CEP162: variants seen among roughly 807,000 people sequenced by gnomAD.
CEP162 encodes the protein centrosomal protein 162, also known as centrosomal protein of 162 kDa.
In CEP162, 141 loss-of-function variants were observed where a neutral mutation model predicts 169.2. The observed-to-expected ratio is 0.83, with a 90% CI of 0.73 to 0.96. The LOEUF (loss-of-function observed/expected upper bound fraction) is 0.96. Ranked by LOEUF, CEP162 falls within the 40% of genes least tolerant of loss-of-function variation. The pLI, the probability that CEP162 is intolerant of heterozygous loss-of-function variation, is 0.00. For synonymous variants in CEP162, 540 were observed against 526.4 expected (o/e 1.03, Z -0.35); for missense variants, 1,600 against 1,587.2 (o/e 1.01, Z -0.14).
intron 13 of CEP162, among the ~76,000 whole-genome samples, chr6:84,179,771 C>T (rs1721337447): frequency 6.6e-6 from 1 of 152,064 alleles, no homozygotes; most frequent in Non-Finnish European, 1.5e-5. Flanking sequence ...TGGACACATA[C>T]ACCATCCCAA....
At chr6:84,184,114 C>G (rs1190311913) in intron 13 of CEP162, among the ~76,000 whole-genome samples, 3 of 152,084 alleles carry the variant, frequency 2.0e-5, no homozygotes, top group Non-Finnish European at 2.9e-5. Flanking sequence ...GCACATGATC[C>G]CTTCTTCCAC....
chr6:84,161,351 C>A (rs542362554), intron 20 of CEP162, among the ~76,000 whole-genome samples: 1 of 152,120 alleles, frequency 6.6e-6, no homozygotes, highest in Admixed American at 6.6e-5. Flanking sequence ...ATATTTGAGC[C>A]AAGAGGAACA....
chr6:84,175,921 A>G (rs1362752234), intron 13 of CEP162, among the ~76,000 whole-genome samples: 6 of 152,114 alleles, frequency 3.9e-5, no homozygotes, highest in Admixed American at 3.9e-4. Flanking sequence ...TATATATTAA[A>G]TTATAAAAAA....
chr6:84,209,448 C>T (rs914007030), intron 6 of CEP162, among the ~76,000 whole-genome samples: 2 of 151,270 alleles, frequency 1.3e-5, no homozygotes, highest in South Asian at 4.2e-4. Context: ...GATCTCGGCT[C>T]ACTGCAACCT....
chr6:84,146,847 A>G (rs1298641852), intron 24 of CEP162, 62 bp from the exon 25 acceptor site: 5 of 848,640 alleles, frequency 5.9e-6, no homozygotes, highest in Non-Finnish European at 7.3e-6. Context: ...TCTGAAAAAT[A>G]TAAGAAAGCC....
intron 13 of CEP162, among the ~76,000 whole-genome samples, chr6:84,176,985 C>T (rs2099532687): frequency 6.6e-6 from 1 of 151,368 alleles, no homozygotes; most frequent in Admixed American, 6.6e-5. Context: ...CACAATATAT[C>T]CAACATATTA....
At chr6:84,175,022 T>A in intron 14 of CEP162, 68 bp from the exon 15 acceptor site, 2 of 1,099,188 alleles carry the variant, frequency 1.8e-6, no homozygotes, top group Admixed American at 2.9e-5. Context: ...GGTGGTTAAT[T>A]AAAAAAAGAA....
chr6:84,173,060 A>C (rs2099530836), intron 16 of CEP162, among the ~76,000 whole-genome samples: 1 of 152,204 alleles, frequency 6.6e-6, no homozygotes, highest in Admixed American at 6.5e-5. Flanking sequence ...GGGCATTAGC[A>C]ATTAATTTCA....
chr6:84,129,224 G>A (rs917327883), intron 25 of CEP162, among the ~76,000 whole-genome samples: 2 of 152,128 alleles, frequency 1.3e-5, no homozygotes, highest in African/African-American at 2.4e-5. Flanking sequence ...GGATGGCTGG[G>A]TCAAATGGTA....
At chr6:84,138,344 G>A (rs938449756) in intron 25 of CEP162, among the ~76,000 whole-genome samples, 9 of 152,176 alleles carry the variant, frequency 5.9e-5, no homozygotes, top group East Asian at 1.9e-4. Context: ...CCAGTTTATT[G>A]CCTGGAGGCA....
chr6:84,205,617 T>G (rs1372974723), intron 6 of CEP162, among the ~76,000 whole-genome samples: 1 of 152,184 alleles, frequency 6.6e-6, no homozygotes, highest in Non-Finnish European at 1.5e-5. Context: ...AATATCATAC[T>G]GAATGGGCAA....
chr6:84,209,388 T>C (rs936780356), intron 6 of CEP162, among the ~76,000 whole-genome samples: 18 of 149,664 alleles, frequency 1.2e-4, no homozygotes, highest in Non-Finnish European at 2.1e-4. Flanking sequence ...TTTTTTTTTT[T>C]CTTGAGACGG....
At chr6:84,155,566 A>G in intron 21 of CEP162, 56 bp from the exon 22 acceptor site, 5 of 1,200,462 alleles carry the variant, frequency 4.2e-6, no homozygotes, top group Non-Finnish European at 6.0e-6. Context: ...TGAATTCAGT[A>G]AAGTTTCAGG....
At chr6:84,164,029 A>C (rs977970359) in intron 18 of CEP162, among the ~76,000 whole-genome samples, 2 of 152,026 alleles carry the variant, frequency 1.3e-5, no homozygotes, top group Admixed American at 1.3e-4. Flanking sequence ...AACCATCAAA[A>C]AGTGGGTGAA....
intron 9 of CEP162, among the ~76,000 whole-genome samples, chr6:84,198,581 A>G (rs1588857324): frequency 2.0e-5 from 3 of 152,152 alleles, no homozygotes; most frequent in Admixed American, 6.5e-5. Context: ...CACCTAGCTG[A>G]AGACTTTAAA....
In CEP162 at chr6:84,221,180, G is replaced by C; in HGVS notation, c.58-9C>G. On this transcript the variant is annotated splice_polypyrimidine_tract_variant and intron_variant, in intron 2 of 26. Transcript: ENST00000403245. ...AAAGAATCATCTGAAAGCTGAATTAGATATAAGACATTCAATTTGAAAATA... is the reference window on the plus strand; with the variant it reads ...AAAGAATCATCTGAAAGCTGAATTACATATAAGACATTCAATTTGAAAATA... 1.6e-6 allele frequency: 2 copies of C among 1,251,632 alleles called. No individual in the cohort carries two copies. The highest frequency in any genetic ancestry group is 2.3e-6 in the Non-Finnish European group (2 of 856,310). The allele number at this position is 1,251,632 out of a possible 1,614,324, so 77.5% of individuals were successfully genotyped here.
At chr6:84,202,604 T>G (rs1053919846) in intron 7 of CEP162, among the ~76,000 whole-genome samples, 2 of 142,862 alleles carry the variant, frequency 1.4e-5, no homozygotes, top group African/African-American at 5.2e-5. Flanking sequence ...CTTGGCTCAC[T>G]GCAACCTCTG....
intron 14 of CEP162, 42 bp from the exon 15 acceptor site, chr6:84,174,996 A>G: frequency 7.7e-7 from 1 of 1,301,580 alleles, no homozygotes. Flanking sequence ...AGACTTATGT[A>G]TAAGATTTGA....
At chr6:84,135,139 G>C (rs1037234753) in intron 25 of CEP162, among the ~76,000 whole-genome samples, 5 of 152,098 alleles carry the variant, frequency 3.3e-5, no homozygotes, top group African/African-American at 9.7e-5. Flanking sequence ...TGGGATTATA[G>C]TGATTTTATA....
Sources: gnomAD v4.1 joint callset for allele counts (sites outside exome capture counted in the v4.1 genomes callset) on GRCh38, gnomAD v4.1.1 for gene constraint, MANE v1.5 for transcripts, NCBI Gene and HGNC (gene_info 2026-07-23, HGNC 2026-07-21) for gene names.